CCBE1: variants seen among roughly 807,000 people sequenced by gnomAD.
CCBE1 encodes the protein collagen and calcium-binding EGF domain-containing protein 1.
CCBE1 carries 37 observed loss-of-function variants against 50.0 expected under a neutral mutation model. That is an observed-to-expected ratio of 0.74 (90% confidence interval 0.57 to 0.97). The LOEUF (loss-of-function observed/expected upper bound fraction) is 0.97. Among genes scored for constraint, CCBE1 ranks in the 50% least tolerant of loss-of-function variants. The pLI is 0.00. For missense variants in CCBE1, 538 were observed against 523.8 expected, an observed-to-expected ratio of 1.03 and a Z score of -0.26; for synonymous variants, 234 against 203.7, an observed-to-expected ratio of 1.15 and a Z score of -1.27.
At chr18:59,447,604 T>C (rs1199564220) in intron 7 of CCBE1, among the ~76,000 whole-genome samples, 2 of 152,160 alleles carry the variant, frequency 1.3e-5, no homozygotes, top group Admixed American at 1.3e-4. Context: ...CTCTGAGTTG[T>C]TAGAATTGGG....
chr18:59,576,061 TATTTAAGATCCATTCACGTTCTTGC>T (rs2052990806), intron 2 of CCBE1, among the ~76,000 whole-genome samples: 1 of 152,240 alleles, frequency 6.6e-6, no homozygotes, highest in African/African-American at 2.4e-5. Flanking sequence ...TGGCATCATG[TATTTAAGATCCATTCACGTTCTTGC>T]ATTTAAGATC....
In CCBE1 at chr18:59,598,053, G is replaced by A. The variant is rs1016058471; in HGVS notation, c.212+98576C>T. On this transcript the variant is annotated intron_variant, in intron 2 of 10. Coordinates refer to ENST00000439986, the MANE Select transcript of CCBE1 (RefSeq NM_133459.4). ...GAAAGTGTAGGGAAAATGGAGGTTA[G>A]GAACATTGGTGGACACAGGTTGAGG... Among the ~76,000 whole-genome samples, 6 of 151,908 alleles carry A rather than the reference G, an allele frequency of 3.9e-5. No individual in the cohort carries two copies. In the South Asian group the frequency reaches 1.3e-3, roughly 32 times the overall value.
rs1385347462 is a variant in CCBE1, at chr18:59,466,889, T to C, written c.403A>G (p.Ile135Val). 2 of 1,612,322 alleles carry C rather than the reference T, an allele frequency of 1.2e-6. No homozygotes were observed. Among genetic ancestry groups the C allele is most frequent in the Non-Finnish European group, 1.7e-6 (2 of 1,179,104 alleles). ...CCATTGCTGCTGGCACACTCATCAATATCTGGTTTGAACCAAATGTAGAGA... is the reference window on the plus strand; with the variant it reads ...CCATTGCTGCTGGCACACTCATCAACATCTGGTTTGAACCAAATGTAGAGA... ...RKREKPYCLD[I>V]DECASSNGTL... The change falls in exon 5 of 11, where the codon ATT becomes GTT. Residue 135 changes from isoleucine to valine, a missense_variant and splice_region_variant. By Grantham distance (29) the Ile-to-Val change is conservative. Transcript: ENST00000439986.
intron 2 of CCBE1, among the ~76,000 whole-genome samples, chr18:59,566,910 G>A (rs900198611): frequency 1.3e-5 from 2 of 151,986 alleles, no homozygotes; most frequent in Non-Finnish European, 2.9e-5. Context: ...TGAAAGTCGG[G>A]GTGAAATGAA....
chr18:59,440,447 G>A (rs575871553), intron 7 of CCBE1, among the ~76,000 whole-genome samples: 23 of 152,252 alleles, frequency 1.5e-4, no homozygotes, highest in African/African-American at 4.6e-4. Flanking sequence ...CCTTATATTT[G>A]CTTTGACTCT....
chr18:59,684,691 CT>C (rs1420725591), intron 2 of CCBE1, among the ~76,000 whole-genome samples: 1 of 152,154 alleles, frequency 6.6e-6, no homozygotes, highest in Non-Finnish European at 1.5e-5. Context: ...AGCATAATTG[CT>C]GTTGTAACAC....
intron 7 of CCBE1, among the ~76,000 whole-genome samples, chr18:59,446,903 G>A (rs1264170554): frequency 6.6e-6 from 1 of 152,180 alleles, no homozygotes; most frequent in Non-Finnish European, 1.5e-5. Flanking sequence ...ACACTGCTAA[G>A]CAATGATAGC....
chr18:59,490,547 G>C (rs987507006), intron 2 of CCBE1, among the ~76,000 whole-genome samples: 2 of 152,170 alleles, frequency 1.3e-5, no homozygotes, highest in Non-Finnish European at 2.9e-5. Flanking sequence ...TTCTGGTTTT[G>C]AAACTGGGTA....
At chr18:59,511,828 T>A (rs1040179009) in intron 2 of CCBE1, among the ~76,000 whole-genome samples, 9 of 152,156 alleles carry the variant, frequency 5.9e-5, no homozygotes, top group African/African-American at 2.2e-4. Flanking sequence ...TTTGGGGGAA[T>A]CCATGTAAGT....
chr18:59,658,028 A>G (rs1055721800), intron 2 of CCBE1, among the ~76,000 whole-genome samples: 5 of 151,946 alleles, frequency 3.3e-5, no homozygotes, highest in African/African-American at 9.7e-5. Flanking sequence ...AGAGGGCCCA[A>G]TTTTGGAACT....
chr18:59,597,363 A>G (rs1045464488), intron 2 of CCBE1, among the ~76,000 whole-genome samples: 9 of 152,240 alleles, frequency 5.9e-5, no homozygotes, highest in African/African-American at 2.2e-4. Flanking sequence ...AAGGAACAAA[A>G]TGGGTAAGAA....
intron 2 of CCBE1, chr18:59,563,617 G>C (rs1352559233): frequency 2.0e-5 from 3 of 152,204 alleles, no homozygotes; most frequent in Non-Finnish European, 2.9e-5. Context: ...TGGAAGCTCA[G>C]CACCAGGGCT....
At chr18:59,476,643 A>G (rs1282054134) in intron 3 of CCBE1, among the ~76,000 whole-genome samples, 1 of 152,258 alleles carries the variant, frequency 6.6e-6, no homozygotes, top group Non-Finnish European at 1.5e-5. Flanking sequence ...CAGTTCACTG[A>G]GCCCTGACTT....
At chr18:59,611,414 A>G (rs1036972261) in intron 2 of CCBE1, among the ~76,000 whole-genome samples, 15 of 152,250 alleles carry the variant, frequency 9.9e-5, no homozygotes, top group African/African-American at 3.6e-4. Flanking sequence ...ACATTTTAGG[A>G]GAAGCCCACA....
chr18:59,599,541 C>T (rs2053402616), intron 2 of CCBE1, among the ~76,000 whole-genome samples: 1 of 152,174 alleles, frequency 6.6e-6, no homozygotes, highest in African/African-American at 2.4e-5. Context: ...TAATATGGCT[C>T]ACTCATATAG....
intron 3 of CCBE1, among the ~76,000 whole-genome samples, chr18:59,473,621 T>G (rs1283451958): frequency 1.3e-5 from 2 of 148,746 alleles, no homozygotes; most frequent in Non-Finnish European, 3.0e-5. Context: ...GCTCTCGTGC[T>G]TGGAAAACTT....
At chr18:59,684,455 A>C (rs1485233305) in intron 2 of CCBE1, among the ~76,000 whole-genome samples, 1 of 152,184 alleles carries the variant, frequency 6.6e-6, no homozygotes, top group Non-Finnish European at 1.5e-5. Context: ...TCTCAAAAAA[A>C]AAAATTCTCC....
At chr18:59,506,392 T>C (rs1913874694) in intron 2 of CCBE1, among the ~76,000 whole-genome samples, 1 of 152,168 alleles carries the variant, frequency 6.6e-6, no homozygotes, top group Non-Finnish European at 1.5e-5. Context: ...AGGCTTTTGT[T>C]ATTTTAAGTC....
In CCBE1 at chr18:59,560,519, T is replaced by C. The variant is rs147920802; in HGVS notation, c.213-80281A>G. Among the ~76,000 whole-genome samples the C allele has an allele frequency of 2.5e-3, 386 of 152,120 alleles. 11 individuals are homozygous for C. In the South Asian group the frequency reaches 0.041, roughly 16 times the overall value. ...ATGCATGCGGGGCTTAAAACCTAGATGATGGGTTGAGGGGTGCAGCAAACC... is the reference window on the plus strand; with the variant it reads ...ATGCATGCGGGGCTTAAAACCTAGACGATGGGTTGAGGGGTGCAGCAAACC... On this transcript the variant is annotated intron_variant, in intron 2 of 10. Coordinates refer to ENST00000439986, the MANE Select transcript of CCBE1 (RefSeq NM_133459.4).
Sources: allele counts gnomAD v4.1 joint callset (sites outside exome capture counted in the v4.1 genomes callset), GRCh38; gene constraint gnomAD v4.1.1; transcripts MANE v1.5; gene names NCBI Gene and HGNC (gene_info 2026-07-23, HGNC 2026-07-21).